CAPZB: variants seen among roughly 807,000 people sequenced by gnomAD.
CAPZB encodes the protein capping actin protein of muscle Z-line subunit beta.
CAPZB carries 2 observed loss-of-function variants against 38.1 expected under a neutral mutation model. The ratio of observed to expected loss-of-function variants is 0.05; its 90% confidence interval spans 0.02 to 0.17. The LOEUF is 0.17. Among genes scored for constraint, CAPZB ranks in the 10% least tolerant of loss-of-function variants. The probability of loss-of-function intolerance (pLI) is 1.00; values close to 1 mark genes in which losing one functional copy is unlikely to be tolerated. For synonymous variants in CAPZB, 107 were observed against 127.4 expected, an observed-to-expected ratio of 0.84 and a Z score of 1.08; for missense variants, 161 against 334.2, an observed-to-expected ratio of 0.48 and a Z score of 4.04.
chr1:19,397,985 C>T (rs2094281715), intron 2 of CAPZB, among the ~76,000 whole-genome samples: 1 of 152,130 alleles, frequency 6.6e-6, no homozygotes, highest in Non-Finnish European at 1.5e-5. Context: ...TTCATCTGCA[C>T]GTCGACACTG....
intron 2 of CAPZB, among the ~76,000 whole-genome samples, chr1:19,387,772 T>A (rs1043475511): frequency 2.0e-5 from 3 of 152,188 alleles, no homozygotes; most frequent in African/African-American, 7.2e-5. Context: ...AAAATGGGGA[T>A]AATAAAACCA....
At chr1:19,378,802 G>A in intron 3 of CAPZB, 149 bp from the exon 4 acceptor site, 2 of 597,876 alleles carry the variant, frequency 3.3e-6, no homozygotes, top group Non-Finnish European at 6.0e-6. Flanking sequence ...GCAACAAACA[G>A]GGCTTTCTGG....
intron 1 of CAPZB, among the ~76,000 whole-genome samples, chr1:19,475,881 G>A (rs1173660116): frequency 2.6e-5 from 4 of 152,202 alleles, no homozygotes; most frequent in Admixed American, 2.6e-4. Flanking sequence ...AGCAATGGCT[G>A]TGTCAGGGCC....
intron 2 of CAPZB, among the ~76,000 whole-genome samples, chr1:19,415,719 A>T (rs1196813678): frequency 6.6e-6 from 1 of 152,170 alleles, no homozygotes; most frequent in Non-Finnish European, 1.5e-5. Flanking sequence ...GTTTTTTTTC[A>T]GTAGAGATGG....
chr1:19,397,021 A>G (rs2094274863), intron 2 of CAPZB, among the ~76,000 whole-genome samples: 1 of 152,166 alleles, frequency 6.6e-6, no homozygotes, highest in South Asian at 2.1e-4. Context: ...TTTTTGGGAA[A>G]AGACCAGGTA....
intron 4 of CAPZB, among the ~76,000 whole-genome samples, chr1:19,375,349 C>T (rs925203054): frequency 2.6e-5 from 4 of 152,314 alleles, no homozygotes; most frequent in East Asian, 3.9e-4. Context: ...TCTGGTATCC[C>T]GGATGGCAGC....
At chr1:19,470,431 C>T (rs765362685) in intron 1 of CAPZB, among the ~76,000 whole-genome samples, 4 of 152,108 alleles carry the variant, frequency 2.6e-5, no homozygotes, top group East Asian at 1.9e-4. Flanking sequence ...TCTGACTGTT[C>T]GACCCAATTG....
At chr1:19,455,032 T>G (rs2094528597) in intron 1 of CAPZB, among the ~76,000 whole-genome samples, 1 of 152,164 alleles carries the variant, frequency 6.6e-6, no homozygotes, top group African/African-American at 2.4e-5. Flanking sequence ...CAAATTGCAG[T>G]CCAAGCAGCC....
At chr1:19,371,842 C>A (rs545210020) in intron 4 of CAPZB, among the ~76,000 whole-genome samples, 2 of 152,400 alleles carry the variant, frequency 1.3e-5, no homozygotes, top group Non-Finnish European at 2.9e-5. Context: ...GCAAACATTT[C>A]TCACATGTGA....
chr1:19,408,191 T>G lies in CAPZB; in HGVS notation c.93+11470A>C, dbSNP rs188461314. The stretch of plus-strand genomic sequence containing the variant: ...CCTGTGAAAACTCAGCCCAAAAGGC[T>G]GCCCAGGGCATCAGGGCACAGCCTC... On this transcript the variant is annotated intron_variant, in intron 2 of 8. Transcript: ENST00000264202. Among the ~76,000 whole-genome samples, 210 of 152,336 alleles carry G rather than the reference T, an allele frequency of 1.4e-3. 1 individual carries two copies. Among genetic ancestry groups the G allele is most frequent in the Non-Finnish European group, 2.6e-3 (177 of 68,026 alleles).
chr1:19,413,628 C>G (rs528595515), intron 2 of CAPZB, among the ~76,000 whole-genome samples: 1 of 152,224 alleles, frequency 6.6e-6, no homozygotes, highest in Admixed American at 6.5e-5. Context: ...GCCACCAGGC[C>G]CAGCTTAAGT....
At chr1:19,433,810 A>G (rs2094449771) in intron 1 of CAPZB, among the ~76,000 whole-genome samples, 1 of 152,146 alleles carries the variant, frequency 6.6e-6, no homozygotes, top group African/African-American at 2.4e-5. Context: ...GTGTGACTCA[A>G]TATGGAAGAC....
chr1:19,480,937 C>A (rs2094626198), intron 1 of CAPZB, among the ~76,000 whole-genome samples: 1 of 152,174 alleles, frequency 6.6e-6, no homozygotes, highest in Non-Finnish European at 1.5e-5. Context: ...AACCATACAC[C>A]CCTTTGCACA....
chr1:19,481,723 A>T (rs1257262028), intron 1 of CAPZB, among the ~76,000 whole-genome samples: 16 of 152,180 alleles, frequency 1.1e-4, no homozygotes, highest in Non-Finnish European at 1.5e-5. Context: ...ACCCAATGGC[A>T]GACACAAGAG....
At chr1:19,449,530 G>A (rs1412719712) in intron 1 of CAPZB, among the ~76,000 whole-genome samples, 1 of 152,146 alleles carries the variant, frequency 6.6e-6, no homozygotes, top group African/African-American at 2.4e-5. Flanking sequence ...GCCCACACCT[G>A]TAATCTCGGC....
chr1:19,424,836 C>A (rs1274482182), intron 1 of CAPZB, among the ~76,000 whole-genome samples: 5 of 152,208 alleles, frequency 3.3e-5, no homozygotes, highest in African/African-American at 1.2e-4. Flanking sequence ...TGGATTTGGC[C>A]GCTTGCAGGC....
At chr1:19,470,553 A>G (rs1020854104) in intron 1 of CAPZB, among the ~76,000 whole-genome samples, 17 of 152,252 alleles carry the variant, frequency 1.1e-4, no homozygotes, top group African/African-American at 3.9e-4. Context: ...ATGTGGCAGA[A>G]AAGACTCACA....
chr1:19,450,617 C>T lies in CAPZB; in HGVS notation c.4-30867G>A, dbSNP rs1323898884. Among the ~76,000 whole-genome samples, 3 of 151,858 alleles carry T rather than the reference C, an allele frequency of 2.0e-5. No individual in the cohort carries two copies. In the East Asian group the frequency reaches 5.8e-4, roughly 29 times the overall value. ...GTTAAGGAGCTTACCAAATATCACA[C>T]AGGTAATAAGTGGCAGAGCTGGAAG... On this transcript the variant is annotated intron_variant, in intron 1 of 8. Coordinates refer to ENST00000264202, the MANE Select transcript of CAPZB (RefSeq NM_004930.5).
At chr1:19,440,701 G>A (rs1250441636) in intron 1 of CAPZB, among the ~76,000 whole-genome samples, 2 of 152,164 alleles carry the variant, frequency 1.3e-5, no homozygotes, top group Non-Finnish European at 2.9e-5. Flanking sequence ...TGCACCCAAC[G>A]CTACTGACTT....
Sources: gnomAD v4.1 joint callset for allele counts (sites outside exome capture counted in the v4.1 genomes callset) on GRCh38, gnomAD v4.1.1 for gene constraint, MANE v1.5 for transcripts, NCBI Gene and HGNC (gene_info 2026-07-23, HGNC 2026-07-21) for gene names.